Variants in PLXNA4 observed in about 807,000 individuals in gnomAD.
PLXNA4 encodes the protein plexin A4, also known as plexin-A4.
In PLXNA4, 44 loss-of-function variants were observed where a neutral mutation model predicts 191.8. That is an observed-to-expected ratio of 0.23 (90% CI 0.18 to 0.29). PLXNA4 has a LOEUF of 0.29. Among genes scored for constraint, PLXNA4 ranks in the 10% least tolerant of loss-of-function variants. PLXNA4 has a pLI of 1.00. For synonymous variants in PLXNA4, 1,082 were observed against 1,009.5 expected (o/e 1.07, Z -1.36); for missense variants, 1,800 against 2,488.8 (o/e 0.72, Z 5.89).
intron 1 of PLXNA4, among the ~76,000 whole-genome samples, chr7:132,528,122 A>G (rs1799476677): frequency 6.6e-6 from 1 of 152,220 alleles, no homozygotes; most frequent in African/African-American, 2.4e-5. Context: ...TAAAGAAGGT[A>G]TTAACCAACT....
chr7:132,637,111 C>CT (rs1242954554), intron 2 of PLXNA4, among the ~76,000 whole-genome samples: 1 of 152,172 alleles, frequency 6.6e-6, no homozygotes, highest in East Asian at 1.9e-4. Flanking sequence ...CCCAAAGAGC[C>CT]TTTTGATCAT....
chr7:132,306,056 C>T (rs1801508340), intron 3 of PLXNA4, among the ~76,000 whole-genome samples: 1 of 152,150 alleles, frequency 6.6e-6, no homozygotes, highest in South Asian at 2.1e-4. Flanking sequence ...CACCTAGACC[C>T]TCAAACCTCA....
rs546139330 is a variant in PLXNA4 at position 132,609,019 on chromosome 7, C to T, written c.-87+36909G>A. 2.0e-5 allele frequency among the ~76,000 whole-genome samples: 3 copies of T among 152,286 alleles called. No homozygotes were observed. The South Asian group carries it at 6.2e-4, about 32-fold the overall frequency. ...TTGTTTCTCTACCTGGGGGGCCCTT[C>T]CTACCCTGTCACTACCTGCTGAAAT... is the stretch of plus-strand genomic sequence containing the variant. On this transcript the variant is annotated intron_variant, in intron 2 of 4. Transcript: ENST00000378539.
intron 3 of PLXNA4, among the ~76,000 whole-genome samples, chr7:132,360,568 T>C (rs979283051): frequency 3.3e-5 from 5 of 152,182 alleles, no homozygotes; most frequent in African/African-American, 7.2e-5. Context: ...TATAGCATAC[T>C]CATGACAGGT....
chr7:132,512,622 G>T (rs1426135184), intron 1 of PLXNA4, among the ~76,000 whole-genome samples: 1 of 152,190 alleles, frequency 6.6e-6, no homozygotes, highest in African/African-American at 2.4e-5. Flanking sequence ...GTGAGCTCCA[G>T]CTTGCCTCAC....
chr7:132,508,626 G>T lies in PLXNA4; in HGVS notation c.68C>A (p.Ser23Tyr). 6.2e-7 allele frequency: 1 copy of T among 1,607,542 alleles called. No homozygotes were observed. The highest frequency in any genetic ancestry group is 8.5e-7 in the Non-Finnish European group (1 of 1,176,510). ...GGCTGGCTGCCGGGTGAGCAAAGTG[G>T]AGGAGCCCATGCCCACCATGAGGAG... ...SHLLMVGMGS[S>Y]TLLTRQPAPL... is the part of the protein sequence containing the mutation. The change falls in exon 2 of 32, where the codon TCC becomes TAC. Residue 23 changes from serine to tyrosine, a missense_variant. Transcript: ENST00000321063. The surrounding 1 kb of genome is among the most constrained non-coding windows in gnomAD (Gnocchi z 4.4).
At chr7:132,249,124 T>A (rs117498566) in intron 4 of PLXNA4, among the ~76,000 whole-genome samples, 1,854 of 152,360 alleles carry the variant, frequency 0.012, 17 homozygotes, top group Non-Finnish European at 0.017. Flanking sequence ...GAGCTGAGGT[T>A]CCAAGCTGTA....
intron 3 of PLXNA4, among the ~76,000 whole-genome samples, chr7:132,389,878 C>T (rs1256106181): frequency 6.6e-6 from 1 of 152,122 alleles, no homozygotes; most frequent in South Asian, 2.1e-4. Flanking sequence ...TACCATCTCA[C>T]ACCAGTTAGA....
chr7:132,446,540 G>T (rs1795918013), intron 3 of PLXNA4, among the ~76,000 whole-genome samples: 1 of 152,196 alleles, frequency 6.6e-6, no homozygotes, highest in Admixed American at 6.5e-5. Context: ...TCTGAACTCT[G>T]ACTCTATCTC....
At chr7:132,180,443 GAAGA>G (rs980589237) in intron 19 of PLXNA4, 139 bp downstream of exon 19, 14 of 1,311,194 alleles carry the variant, frequency 1.1e-5, no homozygotes, top group Non-Finnish European at 1.4e-5. Context: ...AAGTGAACAT[GAAGA>G]AAGAACTTGG....
intron 4 of PLXNA4, chr7:132,264,337 C>G (rs1410637165): frequency 6.6e-6 from 1 of 152,232 alleles, no homozygotes; most frequent in Non-Finnish European, 1.5e-5. Flanking sequence ...GGAGATGCAG[C>G]CCACAGGGCC....
Position 132,602,758 on chromosome 7 carries a change from G to C in PLXNA4, c.-87+43170C>G, listed in dbSNP as rs1463597005. Among the ~76,000 whole-genome samples, 6 of 152,314 alleles carry C rather than the reference G, an allele frequency of 3.9e-5. No individual in the cohort carries two copies. In the South Asian group the frequency reaches 1.0e-3, roughly 26 times the overall value. On this transcript the variant is annotated intron_variant, in intron 2 of 4. Transcript: ENST00000378539. ...ATCAGAGACATGAGAATCAGCCATT[G>C]ATACAGATCTGCACTGTGAAGAGAC... is the stretch of plus-strand genomic sequence containing the variant.
At chr7:132,216,784 C>T (rs1371791413) in intron 9 of PLXNA4, among the ~76,000 whole-genome samples, 1 of 152,198 alleles carries the variant, frequency 6.6e-6, no homozygotes, top group Non-Finnish European at 1.5e-5. Context: ...TATTTTCACC[C>T]AATCACCGTA....
At chr7:132,406,590 A>G (rs1225554577) in intron 3 of PLXNA4, among the ~76,000 whole-genome samples, 1 of 152,196 alleles carries the variant, frequency 6.6e-6, no homozygotes, top group African/African-American at 2.4e-5. Context: ...TTACTTAGGC[A>G]TATCTGATTT....
chr7:132,618,870 A>T (rs1174870881), intron 2 of PLXNA4, among the ~76,000 whole-genome samples: 1 of 152,242 alleles, frequency 6.6e-6, no homozygotes, highest in African/African-American at 2.4e-5. Context: ...AAACATAAAA[A>T]GTGATTTCTG....
At chr7:132,366,326 C>T (rs1804183508) in intron 3 of PLXNA4, among the ~76,000 whole-genome samples, 1 of 152,072 alleles carries the variant, frequency 6.6e-6, no homozygotes, top group Non-Finnish European at 1.5e-5. Context: ...GAGTTTGAGA[C>T]CAGCCTGGCC....
chr7:132,343,485 G>A (rs1469279924), intron 3 of PLXNA4, among the ~76,000 whole-genome samples: 1 of 152,186 alleles, frequency 6.6e-6, no homozygotes, highest in Non-Finnish European at 1.5e-5. Flanking sequence ...TTCATAATCA[G>A]TGTTGCACTG....
At chr7:132,552,533 A>G (rs1392116383) in intron 1 of PLXNA4, among the ~76,000 whole-genome samples, 1 of 152,172 alleles carries the variant, frequency 6.6e-6, no homozygotes, top group Non-Finnish European at 1.5e-5. Flanking sequence ...CCGCTTCTTC[A>G]TCAGCTCCCA....
chr7:132,271,843 ACT>A (rs1308481520), intron 4 of PLXNA4, among the ~76,000 whole-genome samples: 1 of 152,160 alleles, frequency 6.6e-6, no homozygotes. Context: ...GAAAGTAGAA[ACT>A]CTAAACTACA....
Sources: gnomAD v4.1 joint callset for allele counts (sites outside exome capture counted in the v4.1 genomes callset) on GRCh38, gnomAD v4.1.1 for gene constraint, Gnocchi (gnomAD v3.1) non-coding constraint, MANE v1.5 for transcripts, NCBI Gene and HGNC (gene_info 2026-07-23, HGNC 2026-07-21) for gene names.